Variants in CPA6 observed in about 807,000 individuals in gnomAD.
CPA6 encodes carboxypeptidase B.
In CPA6, 58 loss-of-function variants were observed where a neutral mutation model predicts 63.3. That is an observed-to-expected ratio of 0.92 (90% confidence interval 0.74 to 1.14). The LOEUF is 1.14. Among genes scored for constraint, CPA6 ranks in the 50% most tolerant of loss-of-function variants. The pLI, the probability that CPA6 is intolerant of heterozygous loss-of-function variation, is 0.00. For synonymous variants in CPA6, 185 were observed against 179.0 expected (o/e 1.03, Z -0.27); for missense variants, 565 against 526.6 (o/e 1.07, Z -0.71).
chr8:67,677,743 G>A (rs996088319), intron 1 of CPA6, among the ~76,000 whole-genome samples: 2 of 151,724 alleles, frequency 1.3e-5, no homozygotes, highest in African/African-American at 4.8e-5. Flanking sequence ...AAATACCTAG[G>A]GTGGTAAAAA....
chr8:67,706,653 T>C (rs1165249825), intron 1 of CPA6, among the ~76,000 whole-genome samples: 1 of 152,206 alleles, frequency 6.6e-6, no homozygotes, highest in African/African-American at 2.4e-5. Context: ...TATTACTAAG[T>C]ATACCTAGTA....
chr8:67,449,022 A>G (rs1791282682), intron 8 of CPA6, among the ~76,000 whole-genome samples: 1 of 152,020 alleles, frequency 6.6e-6, no homozygotes, highest in Admixed American at 6.6e-5. Flanking sequence ...GAGGCTGAAG[A>G]GGGAGGATCA....
chr8:67,503,948 C>T (rs574697589), intron 6 of CPA6, among the ~76,000 whole-genome samples: 9 of 150,404 alleles, frequency 6.0e-5, no homozygotes, highest in African/African-American at 2.3e-4. Context: ...GTTCCCCTCC[C>T]TGTGTCCATG....
intron 1 of CPA6, among the ~76,000 whole-genome samples, chr8:67,650,039 CTTTCCTT>C (rs1214843117): frequency 6.6e-6 from 1 of 152,100 alleles, no homozygotes; most frequent in Non-Finnish European, 1.5e-5. Flanking sequence ...TGGATCTGCC[CTTTCCTT>C]TTTCCTTTAT....
At chr8:67,508,981 A>C (rs1442622974) in intron 5 of CPA6, among the ~76,000 whole-genome samples, 1 of 152,130 alleles carries the variant, frequency 6.6e-6, no homozygotes, top group Non-Finnish European at 1.5e-5. Flanking sequence ...GGAAACTTAG[A>C]GTCATGGCAG....
intron 2 of CPA6, among the ~76,000 whole-genome samples, chr8:67,578,039 T>C (rs1395587365): frequency 1.3e-5 from 2 of 152,216 alleles, no homozygotes; most frequent in Non-Finnish European, 2.9e-5. Flanking sequence ...CATAACATTT[T>C]CATGTGTCAC....
chr8:67,670,925 T>C lies in CPA6; in HGVS notation c.117-46674A>G, dbSNP rs556967796. Among the ~76,000 whole-genome samples, 408 of 152,342 alleles carry C rather than the reference T, an allele frequency of 2.7e-3. 5 individuals are homozygous for C. Among genetic ancestry groups the C allele is most frequent in the African/African-American group, 9.5e-3 (393 of 41,582 alleles). ...TAGTATATACATTTCCTCTGCATCA[T>C]TGTCATGATTCTGAGTGTTAATAAT... On this transcript the variant is annotated intron_variant, in intron 1 of 10. Coordinates refer to ENST00000297770, the MANE Select transcript of CPA6 (RefSeq NM_020361.5).
chr8:67,613,498 A>C (rs1385980470), intron 2 of CPA6, among the ~76,000 whole-genome samples: 1 of 152,242 alleles, frequency 6.6e-6, no homozygotes, highest in Non-Finnish European at 1.5e-5. Flanking sequence ...GTATGTGGAC[A>C]AATTGCTACA....
intron 2 of CPA6, among the ~76,000 whole-genome samples, chr8:67,575,038 A>G (rs1023250970): frequency 6.6e-6 from 1 of 152,228 alleles, no homozygotes; most frequent in Non-Finnish European, 1.5e-5. Flanking sequence ...ACTATATAGA[A>G]AGAAAACAAA....
intron 2 of CPA6, among the ~76,000 whole-genome samples, chr8:67,546,808 C>T (rs1283642635): frequency 2.0e-5 from 3 of 151,968 alleles, no homozygotes; most frequent in African/African-American, 7.3e-5. Flanking sequence ...TGTGTGCCAC[C>T]ATGCTTAGCT....
intron 1 of CPA6, among the ~76,000 whole-genome samples, chr8:67,628,747 G>A (rs1224583768): frequency 6.6e-6 from 1 of 152,226 alleles, no homozygotes; most frequent in Admixed American, 6.5e-5. Context: ...ATGAAACAGT[G>A]TCTAACAGAA....
intron 8 of CPA6, among the ~76,000 whole-genome samples, chr8:67,475,867 CTTT>C (rs1563967853): frequency 1.5e-3 from 123 of 83,270 alleles, no homozygotes; most frequent in Non-Finnish European, 2.1e-3. Flanking sequence ...TTCTTTCTTT[CTTT>C]CTTTCTTTCT....
At chr8:67,484,831 A>G (rs769659066) in intron 6 of CPA6, 42 bp from the exon 7 acceptor site, 2 of 1,016,768 alleles carry the variant, frequency 2.0e-6, no homozygotes, top group East Asian at 2.5e-5. Flanking sequence ...ATTGGTCCCC[A>G]AAAGAGGAAA....
At chr8:67,634,221 T>TATG (rs1246068845) in intron 1 of CPA6, among the ~76,000 whole-genome samples, 1 of 140,666 alleles carries the variant, frequency 7.1e-6, no homozygotes, top group African/African-American at 2.8e-5. Flanking sequence ...TTATTATTAT[T>TATG]TATTTGTTTT....
chr8:67,723,234 C>A (rs1817535466), intron 1 of CPA6, among the ~76,000 whole-genome samples: 1 of 152,146 alleles, frequency 6.6e-6, no homozygotes, highest in Non-Finnish European at 1.5e-5. Flanking sequence ...ACAATTTTAA[C>A]ACACATGCTA....
intron 8 of CPA6, among the ~76,000 whole-genome samples, chr8:67,473,531 T>C (rs1811108699): frequency 6.6e-6 from 1 of 152,228 alleles, no homozygotes; most frequent in South Asian, 2.1e-4. Context: ...GAAATGTTTA[T>C]AAAAGACTCT....
intron 3 of CPA6, among the ~76,000 whole-genome samples, chr8:67,515,794 G>C (rs1812132588): frequency 6.6e-6 from 1 of 152,056 alleles, no homozygotes; most frequent in Admixed American, 6.6e-5. Context: ...AATAATCTCT[G>C]TGGCTACCCT....
At chr8:67,535,823 G>A (rs1343111353) in intron 2 of CPA6, among the ~76,000 whole-genome samples, 1 of 152,152 alleles carries the variant, frequency 6.6e-6, no homozygotes, top group Non-Finnish European at 1.5e-5. Flanking sequence ...TTCTTCTAGG[G>A]TTTTTATGGT....
At chr8:67,702,736 C>T (rs960477852) in intron 1 of CPA6, among the ~76,000 whole-genome samples, 3 of 152,158 alleles carry the variant, frequency 2.0e-5, no homozygotes, top group Admixed American at 6.5e-5. Flanking sequence ...ACTGCGCATA[C>T]GGCCCCTCTC....
Sources: gnomAD v4.1 joint callset for allele counts (sites outside exome capture counted in the v4.1 genomes callset) on GRCh38, gnomAD v4.1.1 for gene constraint, MANE v1.5 for transcripts, NCBI Gene and HGNC (gene_info 2026-07-23, HGNC 2026-07-21) for gene names.